The following INSL6 variants were observed in gnomAD, a reference collection of about 807,000 sequenced individuals.
INSL6 encodes the protein insulin-like peptide INSL6.
A neutral mutation model predicts 9.4 loss-of-function variants in INSL6; 16 were observed. The observed-to-expected ratio is 1.70, with a 90% CI of 1.15 to 2.59. The LOEUF (loss-of-function observed/expected upper bound fraction) is 2.59, where lower values mean the gene tolerates loss of function less well. INSL6 is among the 30% of genes most tolerant of loss of function. The pLI, the probability that INSL6 is intolerant of heterozygous loss-of-function variation, is 0.00. For synonymous variants in INSL6, 154 were observed against 96.9 expected, an observed-to-expected ratio of 1.59 and a Z score of -3.46; for missense variants, 391 against 257.3, an observed-to-expected ratio of 1.52 and a Z score of -3.56.
intron 2 of INSL6, among the ~76,000 whole-genome samples, chr9:5,134,313 C>T (rs1007772044): frequency 6.6e-6 from 1 of 152,076 alleles, no homozygotes; most frequent in Non-Finnish European, 1.5e-5. Context: ...CAAGGCAGGC[C>T]AACATTCAAA....
At chr9:5,057,850 G>C in the INSL6 span, among the ~76,000 whole-genome samples, 12 of 151,876 alleles carry the variant, frequency 7.9e-5, no homozygotes, top group Admixed American at 5.2e-4. Context: ...CAAAGTGCTG[G>C]GATTACAGGT....
At chr9:5,158,537 T>G (rs1824862843) in intron 2 of INSL6, among the ~76,000 whole-genome samples, 2 of 152,150 alleles carry the variant, frequency 1.3e-5, no homozygotes, top group Admixed American at 6.5e-5. Context: ...GGTAACAGAC[T>G]TTTCAGTGAA....
intron 2 of INSL6, among the ~76,000 whole-genome samples, chr9:5,150,835 T>G (rs1262908328): frequency 7.2e-6 from 1 of 139,618 alleles, no homozygotes; most frequent in Non-Finnish European, 1.5e-5. Context: ...AACAGATGAC[T>G]GGATAAAGGA....
chr9:5,184,703 A>G (rs1372754860), intron 1 of INSL6, among the ~76,000 whole-genome samples: 1 of 152,238 alleles, frequency 6.6e-6, no homozygotes, highest in Non-Finnish European at 1.5e-5. Context: ...CTTTAAGTGA[A>G]TGAAATACAA....
At chr9:5,090,780 T>C in the INSL6 span, 1 of 1,613,034 alleles carries the variant, frequency 6.2e-7, no homozygotes, top group Non-Finnish European at 8.5e-7. Context: ...TCCACAGGGA[T>C]CTGGCAACGA....
At chr9:5,159,614 T>C (rs1036446883), downstream of INSL6, among the ~76,000 whole-genome samples, 5 of 152,170 alleles carry the variant, frequency 3.3e-5, no homozygotes, top group South Asian at 4.1e-4. Flanking sequence ...ATTGTAAATA[T>C]ATACGCATTC....
the INSL6 span, among the ~76,000 whole-genome samples, chr9:5,057,947 C>T: frequency 1.3e-5 from 2 of 151,828 alleles, no homozygotes; most frequent in Non-Finnish European, 2.9e-5. Context: ...TGAAACAATA[C>T]TGTCTTTTTG....
chr9:5,088,310 C>G, the INSL6 span, among the ~76,000 whole-genome samples: 17 of 152,248 alleles, frequency 1.1e-4, no homozygotes, highest in African/African-American at 4.1e-4. Context: ...CCTACATGGT[C>G]TAGGTTTTTT....
At chr9:5,133,422 T>G (rs1435368544) in intron 3 of INSL6, 1 of 152,068 alleles carries the variant, frequency 6.6e-6, no homozygotes, top group African/African-American at 2.4e-5. Flanking sequence ...TTTAAAAAGT[T>G]ACCTTATGTC....
the INSL6 span, chr9:5,050,917 T>G: frequency 5.1e-6 from 6 of 1,170,318 alleles, no homozygotes; most frequent in South Asian, 8.2e-5. Context: ...TACCCATGCC[T>G]TTTGATTTTG....
chr9:5,167,758 T>C (rs774897697), intron 1 of INSL6, among the ~76,000 whole-genome samples: 1 of 152,192 alleles, frequency 6.6e-6, no homozygotes, highest in African/African-American at 2.4e-5. Flanking sequence ...AGACTGCTTA[T>C]TTAAGTGGGT....
At chr9:5,036,501 A>G in the INSL6 span, among the ~76,000 whole-genome samples, 1 of 152,224 alleles carries the variant, frequency 6.6e-6, no homozygotes, top group Non-Finnish European at 1.5e-5. Flanking sequence ...AGTAACCAAA[A>G]CAGCATGGTA....
At chr9:5,163,856 AAT>A (rs1183650907), downstream of INSL6, 37 of 1,152,150 alleles carry the variant, frequency 3.2e-5, no homozygotes, top group Middle Eastern at 1.4e-3. Flanking sequence ...TACAAAAAAA[AAT>A]AGAGTTAAAT....
At chr9:5,033,298 C>T in the INSL6 span, among the ~76,000 whole-genome samples, 4 of 152,128 alleles carry the variant, frequency 2.6e-5, no homozygotes, top group African/African-American at 9.7e-5. Flanking sequence ...AGAATGGAAC[C>T]AAGTTGGAAA....
the INSL6 span, chr9:5,112,658 A>G: frequency 1.0e-6 from 1 of 972,928 alleles, no homozygotes; most frequent in Non-Finnish European, 1.4e-6. Context: ...CAAACTCCTT[A>G]TCCTGCACCA....
chr9:5,139,160 CTCT>C (rs1322873472), intron 2 of INSL6, among the ~76,000 whole-genome samples: 2 of 152,062 alleles, frequency 1.3e-5, no homozygotes, highest in African/African-American at 4.8e-5. Context: ...AGACAATGTG[CTCT>C]TCTTCTTTGA....
chr9:5,050,390 C>A, the INSL6 span, among the ~76,000 whole-genome samples: 1 of 152,072 alleles, frequency 6.6e-6, no homozygotes, highest in Non-Finnish European at 1.5e-5. Context: ...CCTACCTCAG[C>A]CCCCCAAGTA....
At chr9:5,119,486 T>C (rs1318542934), downstream of INSL6, among the ~76,000 whole-genome samples, 1 of 152,032 alleles carries the variant, frequency 6.6e-6, no homozygotes, top group African/African-American at 2.4e-5. Context: ...TGCCTATACA[T>C]GTGAAAAAAT....
the INSL6 span, among the ~76,000 whole-genome samples, chr9:5,042,641 T>G: frequency 1.3e-5 from 2 of 151,754 alleles, no homozygotes; most frequent in African/African-American, 2.4e-5. Flanking sequence ...AAGTCCAGCT[T>G]GTCTCCCTCA....
Sources: allele counts gnomAD v4.1 joint callset (sites outside exome capture counted in the v4.1 genomes callset), GRCh38; gene constraint gnomAD v4.1.1; transcripts MANE v1.5; gene names NCBI Gene and HGNC (gene_info 2026-07-23, HGNC 2026-07-21).